Variants in BLZF1 observed in about 807,000 individuals in gnomAD.
BLZF1 encodes the protein basic leucine zipper nuclear factor 1, also known as golgin-45.
Under a neutral mutation model 43.8 loss-of-function variants are expected in BLZF1, and 39 were observed. The observed-to-expected ratio is 0.89, with a 90% confidence interval of 0.69 to 1.16. BLZF1 has a LOEUF of 1.16. BLZF1 is among the 50% of genes most tolerant of loss of function. The pLI is 0.00. For missense variants in BLZF1, 449 were observed against 469.8 expected (o/e 0.96, Z 0.41); for synonymous variants, 136 against 159.4 (o/e 0.85, Z 1.11).
chr1:169,394,954 A>G (rs780996124), intron 7 of BLZF1: 7 of 1,127,406 alleles, frequency 6.2e-6, no homozygotes, highest in Non-Finnish European at 8.6e-6. Context: ...TACCATTTCC[A>G]TAATTTAGAA....
intron 6 of BLZF1, among the ~76,000 whole-genome samples, chr1:169,386,559 G>A (rs1438779841): frequency 2.0e-5 from 3 of 151,566 alleles, no homozygotes; most frequent in African/African-American, 7.3e-5. Context: ...GGCGCCTATA[G>A]TCCCAGCTAC....
rs748398107 is a variant in BLZF1 at position 169,376,693 on chromosome 1, G to A, written c.182G>A (p.Gly61Glu). ...WKKAVPSESP[G>E]VLQLGKMLTE... ...AAAGCAGTTCCATCAGAGAGCCCAG[G>A]AGTTCTTCAGCTAGGGAAAATGCTC... Residue 61 changes from glycine to glutamate, a missense_variant, in exon 3 of 7, where the codon GGA becomes GAA. Transcript: ENST00000367808. The A allele has an allele frequency of 6.3e-5, 101 of 1,613,276 alleles. No homozygotes were observed. The highest frequency in any genetic ancestry group is 7.0e-5 in the Non-Finnish European group (83 of 1,179,610).
At chr1:169,375,705 C>T (rs1322145813) in intron 2 of BLZF1, among the ~76,000 whole-genome samples, 5 of 151,472 alleles carry the variant, frequency 3.3e-5, no homozygotes, top group Admixed American at 2.6e-4. Context: ...CGTGACCACT[C>T]AGAGTTCATC....
chr1:169,390,847 A>G (rs553057039), downstream of BLZF1, among the ~76,000 whole-genome samples: 39 of 152,356 alleles, frequency 2.6e-4, no homozygotes, highest in Middle Eastern at 3.4e-3. Flanking sequence ...TCAAAAAGAC[A>G]AGGTCCTAAG....
downstream of BLZF1, among the ~76,000 whole-genome samples, chr1:169,389,798 G>A (rs547358579): frequency 6.6e-6 from 1 of 152,200 alleles, no homozygotes; most frequent in Non-Finnish European, 1.5e-5. Flanking sequence ...ATGCTACAAT[G>A]TAGATGAACC....
intron 5 of BLZF1, 115 bp from the exon 6 acceptor site, chr1:169,381,947 G>A (rs1416572014): frequency 2.5e-6 from 2 of 795,654 alleles, no homozygotes; most frequent in Admixed American, 2.6e-5. Flanking sequence ...AGAGAGAAAG[G>A]GATCAGAGAA....
intron 4 of BLZF1, among the ~76,000 whole-genome samples, chr1:169,379,913 ATC>A (rs1452073706): frequency 2.0e-5 from 3 of 151,968 alleles, no homozygotes; most frequent in Admixed American, 6.6e-5. Context: ...CGTATTCAGT[ATC>A]TCTTTTTGTA....
intron 6 of BLZF1, among the ~76,000 whole-genome samples, 153 bp downstream of exon 6, chr1:169,382,434 T>C (rs1256516099): frequency 6.6e-6 from 1 of 152,196 alleles, no homozygotes; most frequent in African/African-American, 2.4e-5. Context: ...AGAAAATTAT[T>C]TCCTCTTCTG....
chr1:169,373,799 G>T (rs992045586), intron 2 of BLZF1, among the ~76,000 whole-genome samples: 2 of 152,082 alleles, frequency 1.3e-5, no homozygotes, highest in Non-Finnish European at 2.9e-5. Context: ...TTTGTAATTT[G>T]TTCTTGAATC....
At chr1:169,380,728 C>A in intron 5 of BLZF1, 119 bp downstream of exon 5, 1 of 1,149,060 alleles carries the variant, frequency 8.7e-7, no homozygotes, top group Non-Finnish European at 1.2e-6. Flanking sequence ...TGATAACTTA[C>A]TGAGCATATA....
chr1:169,386,876 T>C, intron 6 of BLZF1, 121 bp from the exon 7 acceptor site: 1 of 651,656 alleles, frequency 1.5e-6, no homozygotes, highest in Non-Finnish European at 2.5e-6. Context: ...GTCATTCTGT[T>C]TTTTTAGTAA....
chr1:169,374,930 C>A (rs1403507900), intron 2 of BLZF1, among the ~76,000 whole-genome samples: 1 of 151,890 alleles, frequency 6.6e-6, no homozygotes, highest in Non-Finnish European at 1.5e-5. Context: ...CAATATAAAT[C>A]ATAGGTATTG....
In BLZF1 at chr1:169,387,098, T is replaced by G; in HGVS notation, c.1119T>G (p.Ile373Met). The change falls in exon 7 of 7, where the codon ATT becomes ATG. Residue 373 changes from isoleucine (I) to methionine (M), a missense_variant. Physicochemically the swap from Ile to Met is conservative, Grantham distance 10. Transcript: ENST00000367808. ...PTTLLATKKN[I>M]GRFHPYTRYE... ...CCTTACTTGCTACAAAGAAAAATAT[T>G]GGACGATTTCATCCCTATACTAGAT... 2 of 1,613,690 alleles carry G rather than the reference T, an allele frequency of 1.2e-6. No individual in the cohort carries two copies. The highest frequency in any genetic ancestry group is 1.7e-6 in the Non-Finnish European group (2 of 1,179,798).
At chr1:169,395,872 TTTG>T (rs1185669009) in intron 7 of BLZF1, 55 of 124,744 alleles carry the variant, frequency 4.4e-4, no homozygotes, top group African/African-American at 1.2e-3. Flanking sequence ...TACACCTGGT[TTTG>T]TTGTTTTTTT....
At chr1:169,391,184 C>T (rs984157074), downstream of BLZF1, among the ~76,000 whole-genome samples, 6 of 152,202 alleles carry the variant, frequency 3.9e-5, no homozygotes, top group African/African-American at 1.4e-4. Flanking sequence ...CTTATTATTG[C>T]TTCCCGTGGC....
chr1:169,369,023 T>C (rs1450399426), intron 1 of BLZF1, among the ~76,000 whole-genome samples: 1 of 152,214 alleles, frequency 6.6e-6, no homozygotes, highest in Non-Finnish European at 1.5e-5. Flanking sequence ...AATTATGTTA[T>C]CTTGAGTAAT....
intron 2 of BLZF1, among the ~76,000 whole-genome samples, chr1:169,374,516 A>G (rs191717164): frequency 7.2e-5 from 11 of 152,270 alleles, no homozygotes; most frequent in Admixed American, 5.2e-4. Flanking sequence ...TTTACATTTC[A>G]TATGGAAATG....
chr1:169,393,295 C>T (rs987610867), downstream of BLZF1, among the ~76,000 whole-genome samples: 4 of 151,814 alleles, frequency 2.6e-5, no homozygotes, highest in African/African-American at 4.8e-5. Context: ...TAAGTAAAAA[C>T]GAATCAAACT....
downstream of BLZF1, among the ~76,000 whole-genome samples, chr1:169,390,753 TA>T (rs1482727274): frequency 6.6e-6 from 1 of 152,138 alleles, no homozygotes; most frequent in Non-Finnish European, 1.5e-5. Flanking sequence ...CACTTTTTCT[TA>T]AAAAACCCAG....
Sources: allele counts gnomAD v4.1 joint callset (sites outside exome capture counted in the v4.1 genomes callset), GRCh38; gene constraint gnomAD v4.1.1; transcripts MANE v1.5; gene names NCBI Gene and HGNC (gene_info 2026-07-23, HGNC 2026-07-21).